VIT: variants seen among roughly 807,000 people sequenced by gnomAD.
The protein encoded by VIT is vitrin.
VIT carries 99 observed loss-of-function variants against 78.0 expected under a neutral mutation model. The observed-to-expected ratio is 1.27, with a 90% CI of 1.08 to 1.50. The LOEUF (loss-of-function observed/expected upper bound fraction) is 1.50, where lower values mean the gene tolerates loss of function less well. Ranked by LOEUF, VIT falls within the 40% of genes most tolerant of loss-of-function variation. VIT has a pLI of 0.00. For synonymous variants in VIT, 374 were observed against 334.3 expected (o/e 1.12, Z -1.29); for missense variants, 1,126 against 875.3 (o/e 1.29, Z -3.61).
chr2:36,787,778 A>C (rs987687622), intron 12 of VIT: 3 of 448,714 alleles, frequency 6.7e-6, no homozygotes, highest in South Asian at 4.8e-5. Context: ...CTTTTCTCCA[A>C]ATAACCTTAG....
rs948572133 is a variant in VIT, at chr2:36,808,962, C to A, written c.1880C>A (p.Pro627Gln). The A allele has an allele frequency of 1.3e-6, 2 of 1,593,910 alleles. No individual in the cohort carries two copies. The highest frequency in any genetic ancestry group is 1.7e-6 in the Non-Finnish European group (2 of 1,167,210). ...DGRSYDDVRI[P>Q]AMAAHLKGVI... is the part of the protein sequence containing the mutation. ...AGGTCCTACGACGACGTCCGGATCC[C>A]AGCCATGGCTGCCCATCTGAAGGGT... The change falls in exon 15 of 16, where the codon CCA (proline) becomes CAA (glutamine). Residue 627 changes from proline (P) to glutamine (Q), a missense_variant. Pro to Gln is a moderately conservative substitution (Grantham distance 76). Coordinates refer to ENST00000379242, the MANE Select transcript of VIT (RefSeq NM_053276.4).
intron 7 of VIT, among the ~76,000 whole-genome samples, chr2:36,770,209 A>C (rs934501483): frequency 6.6e-6 from 1 of 152,216 alleles, no homozygotes; most frequent in Non-Finnish European, 1.5e-5. Flanking sequence ...GGCTACATCG[A>C]TGAACACATC....
At chr2:36,718,613 G>C (rs1276669647) in intron 2 of VIT, among the ~76,000 whole-genome samples, 1 of 152,128 alleles carries the variant, frequency 6.6e-6, no homozygotes, top group East Asian at 1.9e-4. Flanking sequence ...ACTTTGGATA[G>C]GTCCTCAAGG....
intron 2 of VIT, among the ~76,000 whole-genome samples, chr2:36,724,213 T>G (rs1666698138): frequency 6.6e-6 from 1 of 152,108 alleles, no homozygotes; most frequent in African/African-American, 2.4e-5. Context: ...GAGACGGGGT[T>G]TCACCATGTT....
chr2:36,707,874 A>G (rs938371289), intron 1 of VIT, among the ~76,000 whole-genome samples: 2 of 142,460 alleles, frequency 1.4e-5, no homozygotes, highest in Admixed American at 1.4e-4. Context: ...AAAAAAAAAA[A>G]GGGAAGTAAA....
At chr2:36,737,377 G>A (rs1342771537) in intron 3 of VIT, among the ~76,000 whole-genome samples, 1 of 152,202 alleles carries the variant, frequency 6.6e-6, no homozygotes, top group East Asian at 1.9e-4. Flanking sequence ...TCATTCACTA[G>A]AGGGCGGGGA....
chr2:36,801,536 G>A (rs1016792752), intron 13 of VIT, 132 bp downstream of exon 13: 1 of 802,398 alleles, frequency 1.2e-6, no homozygotes, highest in African/African-American at 1.7e-5. Context: ...GGTCGGGCGT[G>A]GTGGTTCACA....
intron 3 of VIT, among the ~76,000 whole-genome samples, chr2:36,741,693 T>G (rs1452308593): frequency 6.6e-6 from 1 of 152,148 alleles, no homozygotes; most frequent in Non-Finnish European, 1.5e-5. Context: ...AGTCTGTGAA[T>G]TACAGACTCT....
Position 36,814,465 on chromosome 2 carries a change from G to C in VIT, c.*104G>C. 1 of 1,343,578 alleles carries C rather than the reference G, an allele frequency of 7.4e-7. No homozygotes were observed. Among genetic ancestry groups the C allele is most frequent in the Non-Finnish European group, 1.0e-6 (1 of 995,046 alleles). The allele number at this position is 1,343,578 out of a possible 1,614,324, so 83.2% of individuals were successfully genotyped here. A position where few individuals can be genotyped will look rare whatever the true frequency, so the allele number is the denominator to read the frequency against. ...GCACGGTGCATCAAGTCTTGGGCAG[G>C]GCATGGAGAAACAAATGTCTTGTTA... On this transcript the variant is annotated 3_prime_UTR_variant, in exon 16 of 16. Transcript: ENST00000379242.
chr2:36,709,544 T>C (rs1179793043), intron 1 of VIT, among the ~76,000 whole-genome samples: 4 of 152,130 alleles, frequency 2.6e-5, no homozygotes, highest in Non-Finnish European at 5.9e-5. Flanking sequence ...ACATAGTACG[T>C]ATACTTTTAT....
intron 12 of VIT, among the ~76,000 whole-genome samples, chr2:36,790,817 TG>T (rs1454780054): frequency 2.0e-5 from 3 of 152,220 alleles, no homozygotes; most frequent in Non-Finnish European, 4.4e-5. Context: ...ATCAAGCCCC[TG>T]TCTTGCACAT....
intron 12 of VIT, among the ~76,000 whole-genome samples, chr2:36,795,657 C>G (rs1426752302): frequency 2.0e-5 from 3 of 152,038 alleles, no homozygotes; most frequent in African/African-American, 7.2e-5. Context: ...TCAGGTGATC[C>G]GCCTGCCTCG....
intron 14 of VIT, among the ~76,000 whole-genome samples, 188 bp from the exon 15 acceptor site, chr2:36,808,284 G>C (rs948237711): frequency 6.6e-6 from 1 of 152,220 alleles, no homozygotes; most frequent in South Asian, 2.1e-4. Flanking sequence ...TGAGTCCAGC[G>C]ATAACCCGGG....
chr2:36,705,401 T>C (rs908917112), intron 1 of VIT, among the ~76,000 whole-genome samples: 1 of 152,226 alleles, frequency 6.6e-6, no homozygotes, highest in African/African-American at 2.4e-5. Flanking sequence ...GCAGTGTCTC[T>C]AGAAATCACC....
At chr2:36,803,760 T>C (rs1240104932) in intron 13 of VIT, among the ~76,000 whole-genome samples, 1 of 152,220 alleles carries the variant, frequency 6.6e-6, no homozygotes, top group Non-Finnish European at 1.5e-5. Flanking sequence ...AGAAATGCAT[T>C]GAGTATAATA....
intron 4 of VIT, among the ~76,000 whole-genome samples, chr2:36,746,506 T>A (rs1047296813): frequency 6.6e-6 from 1 of 152,126 alleles, no homozygotes; most frequent in Non-Finnish European, 1.5e-5. Flanking sequence ...TGTTTAGGAT[T>A]TTCTTTCTAG....
chr2:36,713,691 T>C (rs544799736), intron 1 of VIT, among the ~76,000 whole-genome samples: 33 of 152,308 alleles, frequency 2.2e-4, no homozygotes, highest in Admixed American at 2.0e-3. Flanking sequence ...AGTTTCTGGA[T>C]AGACTTTGAA....
At chr2:36,739,102 T>C (rs991886294) in intron 3 of VIT, among the ~76,000 whole-genome samples, 40 of 152,190 alleles carry the variant, frequency 2.6e-4, no homozygotes, top group African/African-American at 8.4e-4. Flanking sequence ...AATATCACAG[T>C]GCAACAAAAT....
chr2:36,762,658 T>C (rs1669194918), intron 6 of VIT, among the ~76,000 whole-genome samples: 2 of 152,122 alleles, frequency 1.3e-5, no homozygotes, highest in South Asian at 2.1e-4. Flanking sequence ...CCTTTAGTCA[T>C]TGGGGAAGCA....
Sources: allele counts gnomAD v4.1 joint callset (sites outside exome capture counted in the v4.1 genomes callset), GRCh38; gene constraint gnomAD v4.1.1; transcripts MANE v1.5; gene names NCBI Gene and HGNC (gene_info 2026-07-23, HGNC 2026-07-21).